Variants in ARHGAP26 observed in about 807,000 individuals in gnomAD.
The protein encoded by ARHGAP26 is Rho GTPase activating protein 26.
In ARHGAP26, 38 loss-of-function variants were observed where a neutral mutation model predicts 104.8. The ratio of observed to expected loss-of-function variants is 0.36; its 90% CI spans 0.28 to 0.48. The LOEUF is 0.48. Among genes scored for constraint, ARHGAP26 ranks in the 20% least tolerant of loss-of-function variants. The pLI is 0.99. For synonymous variants in ARHGAP26, 341 were observed against 340.0 expected, an observed-to-expected ratio of 1.00 and a Z score of -0.03; for missense variants, 704 against 947.9, an observed-to-expected ratio of 0.74 and a Z score of 3.38.
chr5:143,171,143 T>A (rs1802712647), intron 20 of ARHGAP26, among the ~76,000 whole-genome samples: 1 of 152,218 alleles, frequency 6.6e-6, no homozygotes, highest in Non-Finnish European at 1.5e-5. Flanking sequence ...TTATTGACCA[T>A]CTGCTGTTGC....
intron 1 of ARHGAP26, among the ~76,000 whole-genome samples, chr5:142,824,692 C>G (rs961782260): frequency 6.6e-6 from 1 of 152,116 alleles, no homozygotes; most frequent in African/African-American, 2.4e-5. Flanking sequence ...AGAAAATGGT[C>G]CCTGCAGCTG....
At chr5:143,184,173 A>T (rs1320797409) in intron 20 of ARHGAP26, among the ~76,000 whole-genome samples, 2 of 152,226 alleles carry the variant, frequency 1.3e-5, no homozygotes, top group Non-Finnish European at 2.9e-5. Flanking sequence ...TCCAATACAG[A>T]GACAACATTG....
chr5:143,161,716 AT>A (rs1801261220), intron 20 of ARHGAP26, among the ~76,000 whole-genome samples: 1 of 152,222 alleles, frequency 6.6e-6, no homozygotes, highest in Non-Finnish European at 1.5e-5. Context: ...AAATTGGGAC[AT>A]TTTAGTAATT....
At chr5:143,147,406 C>G (rs201638996) in intron 20 of ARHGAP26, 25 bp downstream of exon 20, 2 of 1,605,104 alleles carry the variant, frequency 1.2e-6, no homozygotes, top group Non-Finnish European at 1.7e-6. Context: ...CAGCTGCCTA[C>G]CCCACAAGGG....
chr5:143,129,010 T>C (rs894926218), intron 18 of ARHGAP26, among the ~76,000 whole-genome samples: 1 of 152,154 alleles, frequency 6.6e-6, no homozygotes, highest in African/African-American at 2.4e-5. Context: ...ACAGATGGGA[T>C]TGAAGAAGGT....
chr5:143,054,273 G>A (rs2150254403), intron 14 of ARHGAP26, among the ~76,000 whole-genome samples, 166 bp from the exon 15 acceptor site: 1 of 152,200 alleles, frequency 6.6e-6, no homozygotes, highest in Admixed American at 6.5e-5. Context: ...AAGAGATATT[G>A]GAATTTTTAG....
chr5:142,986,588 G>C (rs1296786003), intron 11 of ARHGAP26, among the ~76,000 whole-genome samples: 2 of 152,190 alleles, frequency 1.3e-5, no homozygotes, highest in Non-Finnish European at 2.9e-5. Flanking sequence ...CCATGCCTAT[G>C]TCCTGAATGG....
intron 1 of ARHGAP26, among the ~76,000 whole-genome samples, chr5:142,837,180 C>T (rs180713589): frequency 8.5e-5 from 13 of 152,202 alleles, no homozygotes; most frequent in Middle Eastern, 6.8e-3. Flanking sequence ...GCAAGAAGGC[C>T]TGGGATTAGG....
At chr5:143,043,814 A>G (rs1783824276) in intron 14 of ARHGAP26, among the ~76,000 whole-genome samples, 1 of 152,212 alleles carries the variant, frequency 6.6e-6, no homozygotes, top group Non-Finnish European at 1.5e-5. Context: ...TGTAATGTAA[A>G]GTATGATATT....
intron 20 of ARHGAP26, among the ~76,000 whole-genome samples, chr5:143,185,057 C>CCTA (rs1804937727): frequency 2.6e-5 from 4 of 152,058 alleles, no homozygotes; most frequent in Non-Finnish European, 5.9e-5. Context: ...TCCAACAATA[C>CCTA]TGATGGTTGG....
At chr5:143,025,029 C>G (rs944840400) in intron 12 of ARHGAP26, among the ~76,000 whole-genome samples, 9 of 152,116 alleles carry the variant, frequency 5.9e-5, no homozygotes, top group Non-Finnish European at 1.3e-4. Context: ...GATGGACATC[C>G]TTTGCTCAAT....
At chr5:143,072,391 C>A (rs1788398351) in intron 17 of ARHGAP26, among the ~76,000 whole-genome samples, 1 of 152,156 alleles carries the variant, frequency 6.6e-6, no homozygotes, top group African/African-American at 2.4e-5. Flanking sequence ...ATCCAGCAGT[C>A]CCACTACTGG....
At chr5:143,141,512 A>G (rs758137633) in intron 19 of ARHGAP26, among the ~76,000 whole-genome samples, 1 of 152,228 alleles carries the variant, frequency 6.6e-6, no homozygotes, top group Non-Finnish European at 1.5e-5. Context: ...AGAGAAATGC[A>G]TATTTCTTAT....
chr5:143,214,864 A>G (rs1422952620), intron 22 of ARHGAP26, among the ~76,000 whole-genome samples: 1 of 152,230 alleles, frequency 6.6e-6, no homozygotes, highest in Admixed American at 6.5e-5. Flanking sequence ...CTGAGTCTGC[A>G]TTCCCTTTTA....
chr5:143,157,169 T>A (rs853172), intron 20 of ARHGAP26, among the ~76,000 whole-genome samples: 2,512 of 140,220 alleles, frequency 0.018, 37 homozygotes, highest in Non-Finnish European at 0.03. Context: ...CAACACATTC[T>A]TTCTTTTTTT....
chr5:142,812,827 C>T (rs973668419), intron 1 of ARHGAP26, among the ~76,000 whole-genome samples: 17 of 152,128 alleles, frequency 1.1e-4, no homozygotes, highest in East Asian at 3.8e-4. Flanking sequence ...CATAAGCCAC[C>T]GTGTCTGGCT....
chr5:143,096,726 A>G (rs1046214103), intron 17 of ARHGAP26, among the ~76,000 whole-genome samples: 2 of 152,038 alleles, frequency 1.3e-5, no homozygotes, highest in Non-Finnish European at 2.9e-5. Context: ...AGTGAAGAAT[A>G]CAATGACTAT....
At chr5:143,038,599 G>A (rs1252366495) in intron 13 of ARHGAP26, among the ~76,000 whole-genome samples, 1 of 150,790 alleles carries the variant, frequency 6.6e-6, no homozygotes, top group Non-Finnish European at 1.5e-5. Context: ...CTCAAAAATG[G>A]GTTAAATCAA....
In ARHGAP26 at chr5:143,062,122, T is replaced by A. The variant is rs56806338; in HGVS notation, c.1538+4375T>A. Reference sequence around the variant, plus strand: ...ATCACATTCAACAGAGAGTATTAAGTCTATTGCATGGTGTGCTAACACAAT... The same window carrying A: ...ATCACATTCAACAGAGAGTATTAAGACTATTGCATGGTGTGCTAACACAAT... On this transcript the variant is annotated intron_variant, in intron 17 of 22. Coordinates refer to ENST00000645722, the MANE Select transcript of ARHGAP26 (RefSeq NM_001135608.3). Among the ~76,000 whole-genome samples, 52 of 152,326 alleles carry A rather than the reference T, an allele frequency of 3.4e-4. 1 individual carries two copies. The highest frequency in any genetic ancestry group is 1.2e-3 in the African/African-American group (51 of 41,558).
Sources: gnomAD v4.1 joint callset for allele counts (sites outside exome capture counted in the v4.1 genomes callset) on GRCh38, gnomAD v4.1.1 for gene constraint, MANE v1.5 for transcripts, NCBI Gene and HGNC (gene_info 2026-07-23, HGNC 2026-07-21) for gene names.